The following ACADS variants were observed in gnomAD, a reference collection of about 807,000 sequenced individuals.
ACADS encodes acyl-CoA dehydrogenase short chain.
ACADS carries 28 observed loss-of-function variants against 46.8 expected under a neutral mutation model. The observed-to-expected ratio is 0.60, with a 90% CI of 0.44 to 0.82. The LOEUF is 0.82. Ranked by LOEUF, ACADS falls within the 40% of genes least tolerant of loss-of-function variation. The probability of loss-of-function intolerance (pLI) is 0.00; values close to 1 mark genes in which losing one functional copy is unlikely to be tolerated. For synonymous variants in ACADS, 236 were observed against 237.7 expected, an observed-to-expected ratio of 0.99 and a Z score of 0.07; for missense variants, 528 against 578.0, an observed-to-expected ratio of 0.91 and a Z score of 0.89.
Position 120,738,140 on chromosome 12 carries a change from C to A in ACADS, c.625-140C>A, listed in dbSNP as rs1245841668. On this transcript the variant is annotated intron_variant, in intron 5 of 9. Coordinates refer to ENST00000242592, the MANE Select transcript of ACADS (RefSeq NM_000017.4). The stretch of plus-strand genomic sequence containing the variant: ...CCTCAGCTGCCACTGAAGCCTGCAC[C>A]TTCCCCAGAAGCCGGCAGAGGGTGT... 6 of 1,569,238 alleles carry A rather than the reference C, an allele frequency of 3.8e-6. No individual in the cohort carries two copies. In the South Asian group the frequency reaches 6.9e-5, roughly 18 times the overall value.
At chr12:120,733,236 G>A (rs541442599) in intron 2 of ACADS, among the ~76,000 whole-genome samples, 1 of 151,606 alleles carries the variant, frequency 6.6e-6, no homozygotes, top group African/African-American at 2.4e-5. Flanking sequence ...GGGAGACCGG[G>A]GGGAGAGGGA....
Position 120,728,042 on chromosome 12 carries a change from G to A in ACADS, c.210+853G>A, listed in dbSNP as rs764072211. Among the ~76,000 whole-genome samples, 1 of 152,000 alleles carries A rather than the reference G, an allele frequency of 6.6e-6. No individual in the cohort carries two copies. The highest frequency in any genetic ancestry group is 1.5e-5 in the Non-Finnish European group (1 of 67,992). On this transcript the variant is annotated intron_variant, in intron 2 of 9. Coordinates refer to ENST00000242592, the MANE Select transcript of ACADS (RefSeq NM_000017.4). This position sits in a 1 kb window ranked among gnomAD's most constrained non-coding sequence, Gnocchi z 4.0. The stretch of plus-strand genomic sequence containing the variant: ...AACGCACTGCACCCCTCTGCCTCCT[G>A]GGTTCAAGCAATTCTCCTGCCTCGG...
intron 2 of ACADS, among the ~76,000 whole-genome samples, chr12:120,735,726 C>G (rs975830304): frequency 3.3e-5 from 5 of 151,746 alleles, no homozygotes; most frequent in African/African-American, 1.2e-4. Flanking sequence ...TGGTGAAAAC[C>G]CGTCTCTACT....
rs1362229469 is a variant in ACADS at position 120,728,695 on chromosome 12, C to T, written c.210+1506C>T. Among the ~76,000 whole-genome samples the T allele has an allele frequency of 2.0e-5, 3 of 151,204 alleles. No homozygotes were observed. The highest frequency in any genetic ancestry group is 3.9e-4 in the East Asian group (2 of 5,092). ...CTAATTTTATGTATTTTAGTAGAGA[C>T]GGGGTTTCACCGTGTTGCCCAGGCT... is the stretch of plus-strand genomic sequence containing the variant. On this transcript the variant is annotated intron_variant, in intron 2 of 9. Coordinates refer to ENST00000242592, the MANE Select transcript of ACADS (RefSeq NM_000017.4). This position sits in a 1 kb window ranked among gnomAD's most constrained non-coding sequence, Gnocchi z 4.0.
At chr12:120,730,528 A>G (rs898040876) in intron 2 of ACADS, among the ~76,000 whole-genome samples, 2 of 152,158 alleles carry the variant, frequency 1.3e-5, no homozygotes, top group Non-Finnish European at 2.9e-5. Context: ...CTGACACCAC[A>G]TACCCTTTCT....
chr12:120,727,403 C>G (rs1883119113), intron 2 of ACADS, among the ~76,000 whole-genome samples: 1 of 152,202 alleles, frequency 6.6e-6, no homozygotes, highest in African/African-American at 2.4e-5. Context: ...GGTGGATGGT[C>G]AGTTGCTTAC....
chr12:120,729,088 C>A (rs1360740776), intron 2 of ACADS, among the ~76,000 whole-genome samples: 6 of 152,028 alleles, frequency 3.9e-5, no homozygotes, highest in African/African-American at 1.5e-4. Context: ...GGAGGCCACC[C>A]CTTGAGATAG....
At chr12:120,735,020 G>A (rs1421699291) in intron 2 of ACADS, among the ~76,000 whole-genome samples, 2 of 151,306 alleles carry the variant, frequency 1.3e-5, no homozygotes, top group East Asian at 4.0e-4. Flanking sequence ...CCAAAGTGCT[G>A]AGATTCTTTG....
chr12:120,737,454 C>T lies in ACADS; in HGVS notation c.459C>T (p.Ala153=). The stretch of plus-strand genomic sequence containing the variant: ...GTGGTGACAAAATTGGCTGCTTTGC[C>T]CTCAGCGAACCAGGTACCTGCCCTG... ...FTSGDKIGCF[A]LSEPGNGSDA... is the part of the protein sequence containing the mutation. Residue 153 remains alanine, a synonymous_variant, in exon 4 of 10, where the codon GCC becomes GCT. Transcript: ENST00000242592. 1 of 1,613,938 alleles carries T rather than the reference C, an allele frequency of 6.2e-7. No individual in the cohort carries two copies. Among genetic ancestry groups the T allele is most frequent in the Non-Finnish European group, 8.5e-7 (1 of 1,179,880 alleles).
At chr12:120,735,678 A>G (rs1168683102) in intron 2 of ACADS, among the ~76,000 whole-genome samples, 1 of 152,096 alleles carries the variant, frequency 6.6e-6, no homozygotes, top group Non-Finnish European at 1.5e-5. Context: ...AGGTGGGTGG[A>G]TCACGAGGTC....
At chr12:120,727,004 T>A (rs1256405735) in intron 1 of ACADS, 22 bp from the exon 2 acceptor site, 1 of 1,613,930 alleles carries the variant, frequency 6.2e-7, no homozygotes, top group Non-Finnish European at 8.5e-7. Context: ...CTCCTTCCAC[T>A]CACTTCTGCC....
chr12:120,731,782 C>T (rs573928838), intron 2 of ACADS, among the ~76,000 whole-genome samples: 6 of 151,956 alleles, frequency 3.9e-5, no homozygotes, highest in African/African-American at 9.7e-5. Flanking sequence ...GAGGACCCTG[C>T]GGCCTTCCGC....
intron 4 of ACADS, 49 bp from the exon 5 acceptor site, chr12:120,737,788 A>C (rs775904083): frequency 5.0e-6 from 8 of 1,611,334 alleles, no homozygotes; most frequent in Non-Finnish European, 5.9e-6. Context: ...TGGTGCCCTT[A>C]GGTTGTGTGG....
chr12:120,734,467 C>T (rs777484701), intron 2 of ACADS, among the ~76,000 whole-genome samples: 9 of 152,194 alleles, frequency 5.9e-5, no homozygotes, highest in Non-Finnish European at 1.3e-4. Context: ...AGATGACGCT[C>T]CGCCCCGCAC....
intron 2 of ACADS, among the ~76,000 whole-genome samples, chr12:120,735,359 A>C (rs981960786): frequency 4.7e-5 from 7 of 149,000 alleles, no homozygotes; most frequent in South Asian, 2.1e-4. Context: ...AAAAAAAAAA[A>C]AAAAAAAAAA....
At position 120,738,291 on chromosome 12, in the gene ACADS, C is replaced by T. The variant is rs749222280; in HGVS notation, c.636C>T (p.Ala212=). 6.2e-7 allele frequency: 1 copy of T among 1,614,214 alleles called. No homozygotes were observed. Among genetic ancestry groups the T allele is most frequent in the Non-Finnish European group, 8.5e-7 (1 of 1,180,036 alleles). ...GCCTCTCCTTTCAGGGCATCAGTGC[C>T]TTCCTGGTCCCCATGCCAACGCCTG... is the stretch of plus-strand genomic sequence containing the variant. ...DRALQNKGIS[A]FLVPMPTPGL... is the part of the protein sequence containing the mutation. The change falls in exon 6 of 10, where the codon GCC becomes GCT. Residue 212 remains alanine (A), a synonymous_variant. Coordinates refer to ENST00000242592, the MANE Select transcript of ACADS (RefSeq NM_000017.4).
rs1883062990 is a variant in ACADS at position 120,725,849 on chromosome 12, C to A, written c.-37C>A. 1 of 1,530,364 alleles carries A rather than the reference C, an allele frequency of 6.5e-7. No homozygotes were observed. 94.8% of individuals were successfully genotyped at this position (1,530,364 alleles called of 1,614,324 possible). A position where few individuals can be genotyped will look rare whatever the true frequency, so the allele number is the denominator to read the frequency against. ...GCACTCCGGAACAGCGCGCTCGCAG[C>A]GGGAGGTCGCGAAGCCTGGGACTGT... is the stretch of plus-strand genomic sequence containing the variant. On this transcript the variant is annotated 5_prime_UTR_variant, in exon 1 of 10. Transcript: ENST00000242592.
chr12:120,738,208 G>A, intron 5 of ACADS, 72 bp from the exon 6 acceptor site: 1 of 1,610,990 alleles, frequency 6.2e-7, no homozygotes, highest in Non-Finnish European at 8.5e-7. Context: ...GGACCGGGTT[G>A]GTGTTGGGTG....
At chr12:120,738,053 TTC>T (rs1405481868) in intron 5 of ACADS, 65 bp downstream of exon 5, 7 of 1,608,720 alleles carry the variant, frequency 4.4e-6, no homozygotes, top group Admixed American at 1.7e-5. Flanking sequence ...TTCTAGGGCC[TTC>T]TCTCCTTGGC....
Sources: gnomAD v4.1 joint callset for allele counts (sites outside exome capture counted in the v4.1 genomes callset) on GRCh38, gnomAD v4.1.1 for gene constraint, Gnocchi (gnomAD v3.1) non-coding constraint, MANE v1.5 for transcripts, NCBI Gene and HGNC (gene_info 2026-07-23, HGNC 2026-07-21) for gene names.